Variants in GALNT14 observed in about 807,000 individuals in gnomAD.
GALNT14 encodes polypeptide N-acetylgalactosaminyltransferase 14.
A neutral mutation model predicts 77.5 loss-of-function variants in GALNT14; 60 were observed. The ratio of observed to expected loss-of-function variants is 0.77; its 90% CI spans 0.63 to 0.96. The LOEUF is 0.96. GALNT14 is among the 40% of genes least tolerant of loss of function. The probability of loss-of-function intolerance (pLI) is 0.00; values close to 1 mark genes in which losing one functional copy is unlikely to be tolerated. For missense variants in GALNT14, 710 were observed against 731.0 expected (o/e 0.97, Z 0.33); for synonymous variants, 280 against 281.7 (o/e 0.99, Z 0.06).
intron 1 of GALNT14, among the ~76,000 whole-genome samples, chr2:31,073,851 A>C (rs1039416911): frequency 3.3e-5 from 5 of 152,148 alleles, no homozygotes; most frequent in Non-Finnish European, 7.4e-5. Flanking sequence ...ACCGTTACAG[A>C]CCGCTGGATG....
intron 4 of GALNT14, among the ~76,000 whole-genome samples, chr2:30,956,994 G>A (rs1667410044): frequency 6.6e-6 from 1 of 152,114 alleles, no homozygotes; most frequent in African/African-American, 2.4e-5. Context: ...CACCATACAG[G>A]AAACCCCATC....
chr2:30,999,081 T>G (rs1409949604), intron 1 of GALNT14, among the ~76,000 whole-genome samples: 1 of 152,202 alleles, frequency 6.6e-6, no homozygotes, highest in East Asian at 1.9e-4. Context: ...AAGGCGGGGA[T>G]GTGCTGCCAG....
chr2:31,029,560 T>C (rs1672282690), intron 1 of GALNT14, among the ~76,000 whole-genome samples: 1 of 152,260 alleles, frequency 6.6e-6, no homozygotes, highest in Non-Finnish European at 1.5e-5. Flanking sequence ...GTGGAAGTTA[T>C]ATGTACAACG....
At chr2:30,899,694 A>G in the GALNT14 span, among the ~76,000 whole-genome samples, 2 of 152,292 alleles carry the variant, frequency 1.3e-5, no homozygotes, top group South Asian at 2.1e-4. Context: ...TGTCGTGCTC[A>G]AGTCCTTTTC....
At chr2:31,120,427 T>C (rs145817154) in intron 1 of GALNT14, among the ~76,000 whole-genome samples, 2,463 of 152,334 alleles carry the variant, frequency 0.016, 30 homozygotes, top group Middle Eastern at 0.044. Context: ...AGTGAAAAGA[T>C]AGATAAATAA....
intron 1 of GALNT14, among the ~76,000 whole-genome samples, chr2:31,127,066 G>A (rs1678739280): frequency 6.6e-6 from 1 of 152,164 alleles, no homozygotes; most frequent in Non-Finnish European, 1.5e-5. Context: ...TATTGAAGTA[G>A]AATGCACAAA....
intron 1 of GALNT14, among the ~76,000 whole-genome samples, chr2:31,073,484 GA>G (rs199674089): frequency 0.016 from 1,533 of 98,662 alleles, 23 homozygotes; most frequent in African/African-American, 0.052. Flanking sequence ...GGGGAATAAA[GA>G]GGGGGGGGGA....
rs574399956 is a variant in GALNT14 at position 31,021,853 on chromosome 2, C to T, written c.130-28846G>A. Among the ~76,000 whole-genome samples the T allele has an allele frequency of 2.0e-4, 31 of 152,340 alleles. No homozygotes were observed. In the East Asian group the frequency reaches 5.6e-3, roughly 27 times the overall value. On this transcript the variant is annotated intron_variant, in intron 1 of 14. Coordinates refer to ENST00000349752, the MANE Select transcript of GALNT14 (RefSeq NM_024572.4). Reference sequence around the variant, plus strand: ...GTCAGAGGACTTGAAGTTAAACATGCATTCTGTCCCATCCTGGCCATGTGA... The same window carrying T: ...GTCAGAGGACTTGAAGTTAAACATGTATTCTGTCCCATCCTGGCCATGTGA...
intron 2 of GALNT14, among the ~76,000 whole-genome samples, chr2:30,970,068 T>G (rs756767741): frequency 3.1e-4 from 47 of 152,326 alleles, no homozygotes; most frequent in Admixed American, 9.8e-4. Context: ...TAGTGCCACG[T>G]TAGATGCTTG....
chr2:31,117,052 A>T (rs1003325919), intron 1 of GALNT14, among the ~76,000 whole-genome samples: 8 of 151,996 alleles, frequency 5.3e-5, no homozygotes, highest in South Asian at 2.1e-4. Context: ...AAAAAAAATT[A>T]AAAAAAAGAA....
intron 1 of GALNT14, among the ~76,000 whole-genome samples, chr2:31,116,085 C>T (rs1383031010): frequency 6.6e-6 from 1 of 151,966 alleles, no homozygotes; most frequent in Admixed American, 6.6e-5. Flanking sequence ...GAAGGAGGGG[C>T]ATGTAAAATC....
chr2:31,118,670 G>T (rs980569253), intron 1 of GALNT14, among the ~76,000 whole-genome samples: 1 of 151,826 alleles, frequency 6.6e-6, no homozygotes, highest in Non-Finnish European at 1.5e-5. Context: ...ATACTGCCAC[G>T]GCATTTAATT....
intron 1 of GALNT14, among the ~76,000 whole-genome samples, chr2:31,027,347 G>A (rs1044205615): frequency 2.0e-5 from 3 of 151,352 alleles, no homozygotes; most frequent in Non-Finnish European, 4.4e-5. Context: ...TACCTGGGAG[G>A]CAGAGGTTGC....
At chr2:31,029,085 C>A (rs995631157) in intron 1 of GALNT14, among the ~76,000 whole-genome samples, 1 of 152,104 alleles carries the variant, frequency 6.6e-6, no homozygotes, top group East Asian at 1.9e-4. Flanking sequence ...AGAACTCTAA[C>A]GCGTGCAGAG....
chr2:30,990,484 G>GATGAGAT (rs1669630905), intron 2 of GALNT14, among the ~76,000 whole-genome samples: 1 of 73,042 alleles, frequency 1.4e-5, no homozygotes. Flanking sequence ...GGAAGTGTGA[G>GATGAGAT]ATGAGATCCT....
chr2:30,894,694 G>C, the GALNT14 span, among the ~76,000 whole-genome samples: 1 of 152,224 alleles, frequency 6.6e-6, no homozygotes, highest in African/African-American at 2.4e-5. Context: ...CCTGTGGCCA[G>C]CTCTGGTTGG....
intron 2 of GALNT14, among the ~76,000 whole-genome samples, chr2:30,980,719 C>T (rs911803358): frequency 6.6e-6 from 1 of 152,220 alleles, no homozygotes; most frequent in Non-Finnish European, 1.5e-5. Context: ...TGGCAATGAC[C>T]TCTTCACCCA....
At position 30,910,842 on chromosome 2, in the gene GALNT14, G is replaced by A; in HGVS notation, c.*59C>T. The stretch of plus-strand genomic sequence containing the variant: ...CAGGCTGCTTGCTGCCCAGTTTCCA[G>A]TCTGTTCTGGTCCAGGGAAGCACCA... On this transcript the variant is annotated 3_prime_UTR_variant, in exon 15 of 15. Coordinates refer to ENST00000349752, the MANE Select transcript of GALNT14 (RefSeq NM_024572.4). 6.4e-7 allele frequency: 1 copy of A among 1,569,120 alleles called. No individual in the cohort carries two copies. Among genetic ancestry groups the A allele is most frequent in the Non-Finnish European group, 8.6e-7 (1 of 1,156,208 alleles).
At position 31,035,809 on chromosome 2, in the gene GALNT14, G is replaced by A. The variant is rs1309739305; in HGVS notation, c.130-42802C>T. On this transcript the variant is annotated intron_variant, in intron 1 of 14. Transcript: ENST00000349752. ...CTCTTATAAGCGGGAGCTAAATGAT[G>A]AGAACACATGGACAGCTAGAGGGTA... Among the ~76,000 whole-genome samples the A allele has an allele frequency of 3.9e-5, 6 of 152,112 alleles. No homozygotes were observed. The East Asian group carries it at 9.7e-4, about 25-fold the overall frequency.
Sources: allele counts gnomAD v4.1 joint callset (sites outside exome capture counted in the v4.1 genomes callset), GRCh38; gene constraint gnomAD v4.1.1; transcripts MANE v1.5; gene names NCBI Gene and HGNC (gene_info 2026-07-23, HGNC 2026-07-21).